CCSER1: variants seen among roughly 807,000 people sequenced by gnomAD.
CCSER1 encodes the protein serine-rich coiled-coil domain-containing protein 1.
Under a neutral mutation model 82.0 loss-of-function variants are expected in CCSER1, and 41 were observed. That is an observed-to-expected ratio of 0.50 (90% CI 0.39 to 0.65). The LOEUF is 0.65. Ranked by LOEUF, CCSER1 falls within the 30% of genes least tolerant of loss-of-function variation. The probability of loss-of-function intolerance (pLI) is 0.00; values close to 1 mark genes in which losing one functional copy is unlikely to be tolerated. For missense variants in CCSER1, 1,119 were observed against 1,064.2 expected (o/e 1.05, Z -0.72); for synonymous variants, 414 against 383.9 (o/e 1.08, Z -0.92).
intron 10 of CCSER1, among the ~76,000 whole-genome samples, chr4:91,497,025 T>G (rs1476032318): frequency 6.6e-6 from 1 of 150,472 alleles, no homozygotes; most frequent in African/African-American, 2.4e-5. Flanking sequence ...CTTTTCTGTA[T>G]TAGATTCAAA....
intron 10 of CCSER1, among the ~76,000 whole-genome samples, chr4:91,584,879 A>G (rs1763910947): frequency 1.3e-5 from 2 of 151,344 alleles, no homozygotes; most frequent in South Asian, 4.1e-4. Flanking sequence ...AATTATAACC[A>G]CTGTTTGTGA....
At chr4:90,470,762 CAAAAAAAAA>C (rs754754971) in intron 5 of CCSER1, among the ~76,000 whole-genome samples, 1 of 71,252 alleles carries the variant, frequency 1.4e-5, no homozygotes, top group Non-Finnish European at 2.8e-5. Flanking sequence ...TTAATCAAAG[CAAAAAAAAA>C]AAAAAAAAAA....
At chr4:90,899,765 T>G (rs1284465159) in intron 8 of CCSER1, among the ~76,000 whole-genome samples, 1 of 152,144 alleles carries the variant, frequency 6.6e-6, no homozygotes, top group Non-Finnish European at 1.5e-5. Flanking sequence ...GATTTGCATA[T>G]GTTGAACCAT....
At chr4:91,181,334 C>A (rs1181069181) in intron 10 of CCSER1, among the ~76,000 whole-genome samples, 2 of 152,216 alleles carry the variant, frequency 1.3e-5, no homozygotes, top group South Asian at 2.1e-4. Context: ...TCATTGAAAT[C>A]ACAGAACTTC....
At chr4:90,956,885 C>T (rs543871250) in intron 9 of CCSER1, among the ~76,000 whole-genome samples, 222 of 149,894 alleles carry the variant, frequency 1.5e-3, no homozygotes, top group African/African-American at 5.1e-3. Context: ...ATTCCTCCTG[C>T]ATCAGCCCCC....
At chr4:90,172,667 A>C (rs1163744748) in intron 1 of CCSER1, among the ~76,000 whole-genome samples, 1 of 151,842 alleles carries the variant, frequency 6.6e-6, no homozygotes, top group African/African-American at 2.4e-5. Flanking sequence ...ATTGAATTCA[A>C]ATTCAGGTAT....
At chr4:91,351,891 A>T (rs1748496113) in intron 10 of CCSER1, among the ~76,000 whole-genome samples, 1 of 151,592 alleles carries the variant, frequency 6.6e-6, no homozygotes, top group African/African-American at 2.4e-5. Flanking sequence ...TCTTTGGTGA[A>T]CCCTCCAACA....
chr4:90,243,062 C>CTCTTT (rs1553968405), intron 1 of CCSER1, among the ~76,000 whole-genome samples: 8 of 127,014 alleles, frequency 6.3e-5, no homozygotes, highest in African/African-American at 2.5e-4. Context: ...CTCTCTCTCT[C>CTCTTT]TTTTTTTTTT....
chr4:90,486,534 A>G (rs1056419904), intron 5 of CCSER1, among the ~76,000 whole-genome samples: 1 of 152,180 alleles, frequency 6.6e-6, no homozygotes, highest in Non-Finnish European at 1.5e-5. Context: ...GGGATCAGCA[A>G]TGCACTTGCC....
chr4:90,218,381 T>C (rs987885671), intron 1 of CCSER1, among the ~76,000 whole-genome samples: 2 of 152,286 alleles, frequency 1.3e-5, no homozygotes, highest in Admixed American at 6.5e-5. Flanking sequence ...ATATGGGTGC[T>C]GGGATCATTT....
chr4:90,673,723 C>A (rs1384605750), intron 6 of CCSER1, among the ~76,000 whole-genome samples: 2 of 151,986 alleles, frequency 1.3e-5, no homozygotes, highest in African/African-American at 4.8e-5. Context: ...ATAGGCAAAT[C>A]TCTTCACTAA....
At chr4:91,417,993 G>C (rs569212291) in intron 10 of CCSER1, among the ~76,000 whole-genome samples, 2 of 151,810 alleles carry the variant, frequency 1.3e-5, no homozygotes, top group Non-Finnish European at 2.9e-5. Flanking sequence ...ATCAACAACA[G>C]GAAGAAAAAT....
At chr4:91,140,856 T>C (rs1175805851) in intron 10 of CCSER1, among the ~76,000 whole-genome samples, 3 of 152,146 alleles carry the variant, frequency 2.0e-5, no homozygotes, top group South Asian at 2.1e-4. Flanking sequence ...CCAGTTTTGA[T>C]GCAGGCATAT....
chr4:91,071,524 T>A (rs1235261877), intron 9 of CCSER1, among the ~76,000 whole-genome samples: 1 of 152,000 alleles, frequency 6.6e-6, no homozygotes, highest in African/African-American at 2.4e-5. Context: ...ATCAAGAGAG[T>A]CATAATGTTG....
intron 1 of CCSER1, among the ~76,000 whole-genome samples, chr4:90,223,548 A>G (rs1005272456): frequency 1.3e-5 from 2 of 152,192 alleles, no homozygotes; most frequent in East Asian, 1.9e-4. Flanking sequence ...TTGGAGTGTA[A>G]TATGGACCAG....
At chr4:91,170,031 T>C (rs1732587879) in intron 10 of CCSER1, among the ~76,000 whole-genome samples, 1 of 152,202 alleles carries the variant, frequency 6.6e-6, no homozygotes, top group Non-Finnish European at 1.5e-5. Flanking sequence ...ACCTGTGTCC[T>C]TTTTGACTTT....
chr4:90,447,791 TTAGA>T (rs1760862915), intron 4 of CCSER1, among the ~76,000 whole-genome samples: 1 of 152,128 alleles, frequency 6.6e-6, no homozygotes, highest in Non-Finnish European at 1.5e-5. Flanking sequence ...CACATGAAAA[TTAGA>T]TATATTTTTG....
At chr4:90,657,781 A>T (rs2149079831) in intron 6 of CCSER1, among the ~76,000 whole-genome samples, 1 of 152,300 alleles carries the variant, frequency 6.6e-6, no homozygotes, top group East Asian at 1.9e-4. Context: ...GAACACATTA[A>T]TTACAATTAT....
chr4:91,222,253 G>A (rs542366412), intron 10 of CCSER1, among the ~76,000 whole-genome samples: 5 of 151,446 alleles, frequency 3.3e-5, no homozygotes, highest in Admixed American at 2.0e-4. Flanking sequence ...CGAGAGAGGC[G>A]TATTCCAGAC....
Sources: allele counts gnomAD v4.1 joint callset (sites outside exome capture counted in the v4.1 genomes callset), GRCh38; gene constraint gnomAD v4.1.1; transcripts MANE v1.5; gene names NCBI Gene and HGNC (gene_info 2026-07-23, HGNC 2026-07-21).